Variants in NKAIN2 observed in about 807,000 individuals in gnomAD.
The protein encoded by NKAIN2 is sodium/potassium-transporting ATPase subunit beta-1-interacting protein 2.
NKAIN2 carries 14 observed loss-of-function variants against 32.6 expected under a neutral mutation model. The observed-to-expected ratio is 0.43, with a 90% CI of 0.28 to 0.67. The LOEUF (loss-of-function observed/expected upper bound fraction) is 0.67, where lower values mean the gene tolerates loss of function less well. NKAIN2 is among the 30% of genes least tolerant of loss of function. The pLI is 0.17. For missense variants in NKAIN2, 198 were observed against 258.3 expected, an observed-to-expected ratio of 0.77 and a Z score of 1.60; for synonymous variants, 80 against 87.2, an observed-to-expected ratio of 0.92 and a Z score of 0.46.
At chr6:124,411,806 C>G (rs1423935312) in intron 3 of NKAIN2, among the ~76,000 whole-genome samples, 1 of 152,230 alleles carries the variant, frequency 6.6e-6, no homozygotes, top group Non-Finnish European at 1.5e-5. Flanking sequence ...CTCTCCGTCA[C>G]TTTCAGGTAC....
At chr6:124,280,133 AT>A (rs1422935552) in intron 1 of NKAIN2, among the ~76,000 whole-genome samples, 1 of 152,196 alleles carries the variant, frequency 6.6e-6, no homozygotes. Flanking sequence ...AAATACATAC[AT>A]TTCTATGTCA....
At chr6:123,925,458 A>G (rs1056235102) in intron 1 of NKAIN2, among the ~76,000 whole-genome samples, 1 of 152,188 alleles carries the variant, frequency 6.6e-6, no homozygotes, top group African/African-American at 2.4e-5. Flanking sequence ...CCTGCTTATG[A>G]ATAGACTCTG....
intron 3 of NKAIN2, among the ~76,000 whole-genome samples, chr6:124,578,468 C>T (rs1781408913): frequency 6.6e-6 from 1 of 151,956 alleles, no homozygotes; most frequent in South Asian, 2.1e-4. Flanking sequence ...ATGCCAGCCA[C>T]AGAGAGAGAC....
At chr6:124,546,034 A>G (rs1780083738) in intron 3 of NKAIN2, among the ~76,000 whole-genome samples, 1 of 152,162 alleles carries the variant, frequency 6.6e-6, no homozygotes, top group Admixed American at 6.6e-5. Flanking sequence ...GAAAAACACC[A>G]GTTTTGTTTC....
chr6:123,899,685 C>G (rs1331584719), intron 1 of NKAIN2, among the ~76,000 whole-genome samples: 1 of 152,182 alleles, frequency 6.6e-6, no homozygotes, highest in Non-Finnish European at 1.5e-5. Context: ...ATGACAGGCT[C>G]TCAGATAGCT....
chr6:124,681,987 G>T (rs971965761), intron 4 of NKAIN2, among the ~76,000 whole-genome samples: 1 of 151,716 alleles, frequency 6.6e-6, no homozygotes, highest in Non-Finnish European at 1.5e-5. Flanking sequence ...GCAAGAGAAG[G>T]GTGAGAAAAA....
intron 3 of NKAIN2, among the ~76,000 whole-genome samples, chr6:124,406,624 A>AT (rs1234393578): frequency 6.6e-6 from 1 of 152,046 alleles, no homozygotes; most frequent in African/African-American, 2.4e-5. Context: ...GATTATATGA[A>AT]TGGTTGTATG....
intron 2 of NKAIN2, among the ~76,000 whole-genome samples, chr6:124,301,729 A>G (rs1164707929): frequency 6.6e-6 from 1 of 152,194 alleles, no homozygotes; most frequent in Non-Finnish European, 1.5e-5. Flanking sequence ...TCAGACTTGC[A>G]TGGGGCCTGT....
chr6:124,720,917 A>C (rs1048055446), intron 4 of NKAIN2, among the ~76,000 whole-genome samples: 5 of 152,230 alleles, frequency 3.3e-5, no homozygotes, highest in Admixed American at 6.5e-5. Context: ...TGGGATTGTC[A>C]AGATTATTAT....
At chr6:124,333,678 A>ATAC (rs558224207) in intron 2 of NKAIN2, among the ~76,000 whole-genome samples, 2,223 of 151,516 alleles carry the variant, frequency 0.015, 30 homozygotes, top group Non-Finnish European at 0.022. Context: ...TAAATAAATA[A>ATAC]ATAAATACAT....
At chr6:124,321,488 T>G (rs1176069443) in intron 2 of NKAIN2, among the ~76,000 whole-genome samples, 6 of 152,184 alleles carry the variant, frequency 3.9e-5, no homozygotes, top group African/African-American at 1.4e-4. Context: ...AAAAGAGTTT[T>G]GCTAAGTCAT....
intron 1 of NKAIN2, among the ~76,000 whole-genome samples, chr6:124,140,656 G>T (rs1756852183): frequency 6.6e-6 from 1 of 152,076 alleles, no homozygotes; most frequent in African/African-American, 2.4e-5. Flanking sequence ...TAAGGTATCT[G>T]CACCAGTTGA....
At chr6:124,143,679 C>T (rs992434082) in intron 1 of NKAIN2, among the ~76,000 whole-genome samples, 1 of 152,044 alleles carries the variant, frequency 6.6e-6, no homozygotes. Flanking sequence ...TTTGCAAATT[C>T]TGTCCAGAAC....
chr6:123,832,659 T>G (rs1457529577), intron 1 of NKAIN2, among the ~76,000 whole-genome samples: 1 of 152,236 alleles, frequency 6.6e-6, no homozygotes, highest in South Asian at 2.1e-4. Flanking sequence ...TTGCAGATTT[T>G]GGACATTCTG....
intron 1 of NKAIN2, among the ~76,000 whole-genome samples, chr6:124,230,392 C>G (rs1408578155): frequency 1.3e-5 from 2 of 152,110 alleles, no homozygotes; most frequent in Admixed American, 6.6e-5. Context: ...TGATAGAAAA[C>G]CAAGTCTCAT....
At chr6:123,909,956 A>C (rs1055275259) in intron 1 of NKAIN2, among the ~76,000 whole-genome samples, 1 of 152,156 alleles carries the variant, frequency 6.6e-6, no homozygotes, top group Non-Finnish European at 1.5e-5. Context: ...TCTAGGCTGA[A>C]GTGAAATTTA....
At chr6:123,832,797 T>C (rs996381666) in intron 1 of NKAIN2, among the ~76,000 whole-genome samples, 29 of 152,358 alleles carry the variant, frequency 1.9e-4, no homozygotes, top group African/African-American at 7.0e-4. Context: ...TATTAAAGTT[T>C]CTGACCCACT....
chr6:124,342,414 A>G (rs1043684383), intron 2 of NKAIN2, among the ~76,000 whole-genome samples: 1 of 151,092 alleles, frequency 6.6e-6, no homozygotes, highest in African/African-American at 2.5e-5. Flanking sequence ...ATCTCAAAAA[A>G]AAAAAAAACA....
At chr6:124,386,634 T>G (rs1382291779) in intron 3 of NKAIN2, among the ~76,000 whole-genome samples, 3 of 152,176 alleles carry the variant, frequency 2.0e-5, no homozygotes, top group South Asian at 2.1e-4. Context: ...CTTTAATTTT[T>G]CAGTCAGAAT....
Sources: gnomAD v4.1 joint callset for allele counts (sites outside exome capture counted in the v4.1 genomes callset) on GRCh38, gnomAD v4.1.1 for gene constraint, MANE v1.5 for transcripts, NCBI Gene and HGNC (gene_info 2026-07-23, HGNC 2026-07-21) for gene names.